Variants in HERC3 observed in about 807,000 individuals in gnomAD.
HERC3 encodes probable E3 ubiquitin-protein ligase HERC3.
A neutral mutation model predicts 129.9 loss-of-function variants in HERC3; 58 were observed. That is an observed-to-expected ratio of 0.45 (90% CI 0.36 to 0.56). HERC3 has a LOEUF of 0.56. Among genes scored for constraint, HERC3 ranks in the 20% least tolerant of loss-of-function variants. HERC3 has a pLI of 0.00. For missense variants in HERC3, 835 were observed against 1,244.2 expected (o/e 0.67, Z 4.95); for synonymous variants, 430 against 451.0 (o/e 0.95, Z 0.59).
In HERC3 at chr4:88,669,855, T is replaced by C. The variant is rs776084199; in HGVS notation, c.1634-5T>C. 6.2e-7 allele frequency: 1 copy of C among 1,608,638 alleles called. No homozygotes were observed. The highest frequency in any genetic ancestry group is 8.5e-7 in the Non-Finnish European group (1 of 1,176,312). On this transcript the variant is annotated splice_region_variant and splice_polypyrimidine_tract_variant and intron_variant, in intron 14 of 25. Transcript: ENST00000402738. Reference sequence around the variant, plus strand: ...TTGAAATATGTCTTTTCTTTCTTTCTAAAGATAACTGGTGGTCTCAGGTAT... The same window carrying C: ...TTGAAATATGTCTTTTCTTTCTTTCCAAAGATAACTGGTGGTCTCAGGTAT...
chr4:88,651,975 AAT>A (rs771554401), intron 4 of HERC3, 35 bp from the exon 5 acceptor site: 34 of 1,292,454 alleles, frequency 2.6e-5, no homozygotes, highest in Non-Finnish European at 1.1e-6. Flanking sequence ...TTTGTGTGTG[AAT>A]ATCTATCTGA....
At chr4:88,581,697 C>T in the HERC3 span, among the ~76,000 whole-genome samples, 8 of 152,106 alleles carry the variant, frequency 5.3e-5, no homozygotes, top group Non-Finnish European at 8.8e-5. Context: ...AGTGATCTGC[C>T]TGCCTTGGCC....
At chr4:88,648,118 C>T (rs1280111119) in intron 3 of HERC3, among the ~76,000 whole-genome samples, 1 of 152,092 alleles carries the variant, frequency 6.6e-6, no homozygotes, top group Non-Finnish European at 1.5e-5. Flanking sequence ...CCTGAAGTTA[C>T]TGACTTTAAT....
chr4:88,628,199 GTT>G (rs1433919969), intron 3 of HERC3, among the ~76,000 whole-genome samples: 1 of 152,084 alleles, frequency 6.6e-6, no homozygotes, highest in Non-Finnish European at 1.5e-5. Context: ...GGCTCTATAA[GTT>G]TTTGCTACAT....
At chr4:88,648,784 C>G (rs964295487) in intron 3 of HERC3, among the ~76,000 whole-genome samples, 1 of 151,720 alleles carries the variant, frequency 6.6e-6, no homozygotes, top group Non-Finnish European at 1.5e-5. Context: ...GATGTTGGAC[C>G]TCTTGGAACA....
chr4:88,539,574 G>A, the HERC3 span, among the ~76,000 whole-genome samples: 51 of 152,132 alleles, frequency 3.4e-4, no homozygotes, highest in African/African-American at 1.2e-3. Flanking sequence ...GCAGTGGCAC[G>A]GCGTTTGAGC....
intron 23 of HERC3, among the ~76,000 whole-genome samples, chr4:88,694,860 T>C (rs1290039916): frequency 1.3e-5 from 2 of 152,196 alleles, no homozygotes; most frequent in Non-Finnish European, 2.9e-5. Context: ...TATATTTTGA[T>C]CATTATTAGT....
chr4:88,585,082 C>T, the HERC3 span, among the ~76,000 whole-genome samples: 1 of 152,212 alleles, frequency 6.6e-6, no homozygotes, highest in Non-Finnish European at 1.5e-5. Context: ...TGCTGGTTCA[C>T]AGATGATGAC....
chr4:88,636,343 A>G (rs1256817115), intron 3 of HERC3, among the ~76,000 whole-genome samples: 1 of 152,218 alleles, frequency 6.6e-6, no homozygotes, highest in African/African-American at 2.4e-5. Context: ...CAGGGGTTGC[A>G]ATCCTAGTCT....
intron 3 of HERC3, among the ~76,000 whole-genome samples, chr4:88,608,116 C>A (rs940916346): frequency 1.8e-4 from 27 of 152,138 alleles, no homozygotes; most frequent in African/African-American, 5.8e-4. Flanking sequence ...GTTTATTATT[C>A]CCTTCCATAG....
intron 10 of HERC3, among the ~76,000 whole-genome samples, chr4:88,659,780 A>G (rs945738922): frequency 1.3e-5 from 2 of 152,234 alleles, no homozygotes; most frequent in African/African-American, 4.8e-5. Flanking sequence ...GTGTTATTCA[A>G]TAGTATCCAA....
At chr4:88,597,652 T>C (rs1156948493) in intron 2 of HERC3, among the ~76,000 whole-genome samples, 6 of 152,196 alleles carry the variant, frequency 3.9e-5, no homozygotes, top group Non-Finnish European at 8.8e-5. Flanking sequence ...TTGAAGGCAG[T>C]CCACAGCTTA....
chr4:88,601,371 G>A (rs1722942213), intron 2 of HERC3, among the ~76,000 whole-genome samples: 1 of 152,172 alleles, frequency 6.6e-6, no homozygotes, highest in Non-Finnish European at 1.5e-5. Context: ...GAAAGTACGA[G>A]CTTCCTCTGT....
At chr4:88,531,769 G>C in the HERC3 span, among the ~76,000 whole-genome samples, 1 of 152,188 alleles carries the variant, frequency 6.6e-6, no homozygotes, top group Non-Finnish European at 1.5e-5. Flanking sequence ...GCAGCAGGGA[G>C]AGTTGACACG....
At chr4:88,620,703 G>A (rs1187312224) in intron 3 of HERC3, among the ~76,000 whole-genome samples, 1 of 151,922 alleles carries the variant, frequency 6.6e-6, no homozygotes, top group Admixed American at 6.6e-5. Flanking sequence ...AAATCTTCCA[G>A]TGCTTTCTCA....
the HERC3 span, among the ~76,000 whole-genome samples, chr4:88,567,163 T>A: frequency 2.0e-5 from 3 of 152,194 alleles, no homozygotes; most frequent in Non-Finnish European, 2.9e-5. Context: ...TTGTCAGATG[T>A]ATTGGAGCTC....
At position 88,662,486 on chromosome 4, in the gene HERC3, T is replaced by C. The variant is rs1293488273; in HGVS notation, c.1202T>C (p.Leu401Ser). The C allele has an allele frequency of 6.2e-7, 1 of 1,613,450 alleles. No individual in the cohort carries two copies. The highest frequency in any genetic ancestry group is 2.2e-5 in the East Asian group (1 of 44,856). ...RTMNQAHYTS[L>S]INDETIAVWR... ...ATGAACCAAGCACATTATACCAGTT[T>C]AATAAATGATGAAACCATAGCAGTT... Residue 401 changes from leucine (L) to serine (S), a missense_variant, in exon 11 of 26, where the codon TTA becomes TCA. Leu to Ser is a moderately radical substitution (Grantham distance 145). Coordinates refer to ENST00000402738, the MANE Select transcript of HERC3 (RefSeq NM_014606.3).
chr4:88,693,809 C>A (rs1734320484), intron 23 of HERC3: 1 of 428,608 alleles, frequency 2.3e-6, no homozygotes, highest in Non-Finnish European at 3.1e-6. Flanking sequence ...GTATTGCATG[C>A]TTCCTTTCTT....
intron 3 of HERC3, among the ~76,000 whole-genome samples, chr4:88,613,683 A>G (rs1014899299): frequency 3.3e-5 from 5 of 152,218 alleles, no homozygotes; most frequent in African/African-American, 1.2e-4. Context: ...GCGTGTTTCT[A>G]TGGGCATAAC....
Sources: gnomAD v4.1 joint callset for allele counts (sites outside exome capture counted in the v4.1 genomes callset) on GRCh38, gnomAD v4.1.1 for gene constraint, MANE v1.5 for transcripts, NCBI Gene and HGNC (gene_info 2026-07-23, HGNC 2026-07-21) for gene names.